Variants in SATB2 observed in about 807,000 individuals in gnomAD.
SATB2 encodes SATB homeobox 2.
Under a neutral mutation model 73.4 loss-of-function variants are expected in SATB2, and 1 was observed. That is an observed-to-expected ratio of 0.01 (90% CI 0.00 to 0.06). The LOEUF is 0.06. Ranked by LOEUF, SATB2 falls within the 10% of genes least tolerant of loss-of-function variation. The pLI is 1.00. For synonymous variants in SATB2, 397 were observed against 367.0 expected (o/e 1.08, Z -0.93); for missense variants, 459 against 945.8 (o/e 0.49, Z 6.75).
In SATB2 at chr2:199,355,348, C is replaced by CTA. The variant is rs72202602; in HGVS notation, c.701-6177_701-6176dup. Among the ~76,000 whole-genome samples, 1,190 of 134,130 alleles carry CTA rather than the reference C, an allele frequency of 8.9e-3. 97 individuals carry two copies. Among genetic ancestry groups the CTA allele is most frequent in the African/African-American group, 0.033 (1,097 of 33,044 alleles). 88.0% of individuals were successfully genotyped at this position (134,130 alleles called of 152,430 possible). On this transcript the variant is annotated intron_variant, in intron 6 of 10. Transcript: ENST00000417098. ...TATGTGTGTGTGTGTGTGTGTGTAT[C>CTA]TATATATATATATATATATATATAT... is the stretch of plus-strand genomic sequence containing the variant.
At position 199,272,062 on chromosome 2, in the gene SATB2, A is replaced by G; in HGVS notation, c.*149T>C. 1 of 748,016 alleles carries G rather than the reference A, an allele frequency of 1.3e-6. No individual in the cohort carries two copies. The highest frequency in any genetic ancestry group is 2.3e-6 in the Non-Finnish European group (1 of 433,540). The allele number at this position is 748,016 out of a possible 1,614,324, so 46.3% of individuals were successfully genotyped here. A position where few individuals can be genotyped will look rare whatever the true frequency, so the allele number is the denominator to read the frequency against. ...GCAACAAAGAAATGTCCAAAAGGGTAAGAAAAACAAAACAGACATAAAAAG... is the reference window on the plus strand; with the variant it reads ...GCAACAAAGAAATGTCCAAAAGGGTGAGAAAAACAAAACAGACATAAAAAG... On this transcript the variant is annotated 3_prime_UTR_variant, in exon 11 of 11. Coordinates refer to ENST00000417098, the MANE Select transcript of SATB2 (RefSeq NM_001172509.2). The surrounding 1 kb of genome is among the most constrained non-coding windows in gnomAD (Gnocchi z 6.7).
At chr2:199,365,663 C>A (rs564509351) in intron 6 of SATB2, among the ~76,000 whole-genome samples, 17 of 152,148 alleles carry the variant, frequency 1.1e-4, no homozygotes, top group African/African-American at 4.1e-4. Context: ...AAAATGTTTA[C>A]TTCAAAATTT....
chr2:199,455,799 C>A lies in SATB2; in HGVS notation c.169+70G>T, dbSNP rs1692254762. 1 of 1,506,740 alleles carries A rather than the reference C, an allele frequency of 6.6e-7. No homozygotes were observed. Among genetic ancestry groups the A allele is most frequent in the East Asian group, 2.5e-5 (1 of 40,746 alleles). The allele number at this position is 1,506,740 out of a possible 1,614,324, so 93.3% of individuals were successfully genotyped here. A position where few individuals can be genotyped will look rare whatever the true frequency, so the allele number is the denominator to read the frequency against. On this transcript the variant is annotated intron_variant, in intron 2 of 10. Coordinates refer to ENST00000417098, the MANE Select transcript of SATB2 (RefSeq NM_001172509.2). This position sits in a 1 kb window ranked among gnomAD's most constrained non-coding sequence, Gnocchi z 4.1. ...CTACACCGCGACAGCGCCTAATCAA[C>A]CTGAACCCTGACACCCGGGCCATTA... is the stretch of plus-strand genomic sequence containing the variant.
At chr2:199,354,841 C>T (rs1301059413) in intron 6 of SATB2, among the ~76,000 whole-genome samples, 1 of 152,004 alleles carries the variant, frequency 6.6e-6, no homozygotes, top group Non-Finnish European at 1.5e-5. Flanking sequence ...CCTTTGTAGC[C>T]CTATATTAGA....
At chr2:199,281,476 G>A (rs1435259631) in intron 10 of SATB2, among the ~76,000 whole-genome samples, 1 of 24,324 alleles carries the variant, frequency 4.1e-5, no homozygotes, top group Admixed American at 7.8e-4. Flanking sequence ...GATGATATGA[G>A]ATATATACAC....
At chr2:199,359,348 ACT>A in intron 6 of SATB2, among the ~76,000 whole-genome samples, 1 of 152,200 alleles carries the variant, frequency 6.6e-6, no homozygotes, top group African/African-American at 2.4e-5. Flanking sequence ...TCTAATTCGT[ACT>A]TTATAAAGGT....
chr2:199,321,689 T>C (rs1687897051), intron 9 of SATB2, among the ~76,000 whole-genome samples: 1 of 152,022 alleles, frequency 6.6e-6, no homozygotes, highest in African/African-American at 2.4e-5. Flanking sequence ...TGAATACTGA[T>C]ACTTATAAAA....
upstream of SATB2, among the ~76,000 whole-genome samples, chr2:199,459,392 C>T (rs975878980): frequency 6.6e-6 from 1 of 152,158 alleles, no homozygotes; most frequent in Non-Finnish European, 1.5e-5. The surrounding 1 kb of genome is among the most constrained non-coding windows in gnomAD (Gnocchi z 4.2). Flanking sequence ...ACTAGCCGAG[C>T]AGGCTGGCCT....
At chr2:199,298,716 G>A (rs1282636634) in intron 10 of SATB2, among the ~76,000 whole-genome samples, 2 of 152,100 alleles carry the variant, frequency 1.3e-5, no homozygotes, top group East Asian at 1.9e-4. Flanking sequence ...GTGAGTGATT[G>A]GGCCCAAATC....
Position 199,407,130 on chromosome 2 carries a change from G to A in SATB2, c.347-25310C>T, listed in dbSNP as rs138224485. ...GAGGTCAGGAGTTCAGGACCAACCT[G>A]GCCAACATGGTGAAACCTCATCTCT... On this transcript the variant is annotated intron_variant, in intron 3 of 10. Coordinates refer to ENST00000417098, the MANE Select transcript of SATB2 (RefSeq NM_001172509.2). 3.3e-3 allele frequency among the ~76,000 whole-genome samples: 507 copies of A among 151,920 alleles called. 3 individuals carry two copies. Among genetic ancestry groups the A allele is most frequent in the East Asian group, 0.023 (120 of 5,146 alleles).
intron 7 of SATB2, among the ~76,000 whole-genome samples, chr2:199,341,545 A>C (rs372688060): frequency 6.6e-6 from 1 of 152,188 alleles, no homozygotes; most frequent in South Asian, 2.1e-4. Context: ...TCTTTCCTCC[A>C]CATTCAATAT....
chr2:199,361,268 G>C (rs1447304218), intron 6 of SATB2, among the ~76,000 whole-genome samples: 5 of 151,974 alleles, frequency 3.3e-5, no homozygotes. Context: ...ACCATCAAGA[G>C]TCACTTAAGC....
chr2:199,288,328 CA>C (rs1434483245), intron 10 of SATB2, among the ~76,000 whole-genome samples: 1 of 152,140 alleles, frequency 6.6e-6, no homozygotes, highest in African/African-American at 2.4e-5. Context: ...TTAAAATCCC[CA>C]TAACTACAAT....
At chr2:199,294,200 C>A (rs1211314148) in intron 10 of SATB2, among the ~76,000 whole-genome samples, 1 of 152,106 alleles carries the variant, frequency 6.6e-6, no homozygotes. Flanking sequence ...ACACAGATGA[C>A]AGTTACATGT....
intron 10 of SATB2, among the ~76,000 whole-genome samples, chr2:199,292,126 C>CAT (rs1692885790): frequency 6.6e-6 from 1 of 151,852 alleles, no homozygotes; most frequent in South Asian, 2.1e-4. Context: ...ATTTACCACA[C>CAT]ATAGTGGAGC....
At chr2:199,333,232 G>A (rs2105801350) in intron 7 of SATB2, among the ~76,000 whole-genome samples, 1 of 152,136 alleles carries the variant, frequency 6.6e-6, no homozygotes, top group Non-Finnish European at 1.5e-5. Context: ...GGGATGAAGA[G>A]ACTTAATAAG....
At chr2:199,388,936 A>C (rs913023290) in intron 3 of SATB2, among the ~76,000 whole-genome samples, 2 of 152,152 alleles carry the variant, frequency 1.3e-5, no homozygotes, top group South Asian at 4.1e-4. Flanking sequence ...ATAGCATATA[A>C]TTTTCTGTTG....
chr2:199,289,409 T>C (rs1692784210), intron 10 of SATB2, among the ~76,000 whole-genome samples: 1 of 152,096 alleles, frequency 6.6e-6, no homozygotes, highest in Admixed American at 6.5e-5. Flanking sequence ...AGTAACTCCT[T>C]TTCTCACAAG....
chr2:199,384,928 G>C (rs1689883872), intron 3 of SATB2, among the ~76,000 whole-genome samples: 1 of 152,096 alleles, frequency 6.6e-6, no homozygotes, highest in African/African-American at 2.4e-5. Context: ...AAAATACATT[G>C]ACTCAAAAGA....
Sources: gnomAD v4.1 joint callset for allele counts (sites outside exome capture counted in the v4.1 genomes callset) on GRCh38, gnomAD v4.1.1 for gene constraint, Gnocchi (gnomAD v3.1) non-coding constraint, MANE v1.5 for transcripts, NCBI Gene and HGNC (gene_info 2026-07-23, HGNC 2026-07-21) for gene names.